Variants in SEH1L observed in about 807,000 individuals in gnomAD.
The protein encoded by SEH1L is SEH1 like nucleoporin.
A neutral mutation model predicts 49.5 loss-of-function variants in SEH1L; 18 were observed. The ratio of observed to expected loss-of-function variants is 0.36; its 90% CI spans 0.25 to 0.54. The LOEUF is 0.54. Among genes scored for constraint, SEH1L ranks in the 20% least tolerant of loss-of-function variants. The probability of loss-of-function intolerance (pLI) is 0.87; values close to 1 mark genes in which losing one functional copy is unlikely to be tolerated. For missense variants in SEH1L, 404 were observed against 528.8 expected (o/e 0.76, Z 2.31); for synonymous variants, 169 against 178.1 (o/e 0.95, Z 0.41).
At chr18:12,958,585 G>A (rs958602253) in intron 3 of SEH1L, among the ~76,000 whole-genome samples, 1 of 152,076 alleles carries the variant, frequency 6.6e-6, no homozygotes, top group Non-Finnish European at 1.5e-5. Context: ...GGTACTGCAT[G>A]TAAGTGGAAT....
chr18:12,952,884 C>T lies in SEH1L; in HGVS notation c.162+979C>T, dbSNP rs182043115. Among the ~76,000 whole-genome samples, 357 of 150,882 alleles carry T rather than the reference C, an allele frequency of 2.4e-3. 1 individual carries two copies. The highest frequency in any genetic ancestry group is 4.3e-3 in the Non-Finnish European group (289 of 67,730). On this transcript the variant is annotated intron_variant, in intron 2 of 8. Transcript: ENST00000399892. The stretch of plus-strand genomic sequence containing the variant: ...GCAACCTCTGCCTCCTGGGTTCAAG[C>T]GATTCTCCTGCCTCAGCCTCCTGAG...
rs1598933263 is a variant in SEH1L, at chr18:12,948,067, C to T, written c.-55C>T. The stretch of plus-strand genomic sequence containing the variant: ...TCTGGCTAGGCTACGGGCCACGCGC[C>T]GCCGCCGCTGCCGCCGCCACTGTCC... On this transcript the variant is annotated 5_prime_UTR_variant, in exon 1 of 9. Transcript: ENST00000399892. 2.8e-6 allele frequency: 4 copies of T among 1,417,640 alleles called. No homozygotes were observed. Among genetic ancestry groups the T allele is most frequent in the Admixed American group, 1.8e-5 (1 of 55,414 alleles). The allele number at this position is 1,417,640 out of a possible 1,614,324, so 87.8% of individuals were successfully genotyped here.
intron 7 of SEH1L, 82 bp from the exon 8 acceptor site, chr18:12,983,958 T>C: frequency 1.0e-6 from 1 of 993,488 alleles, no homozygotes; most frequent in Non-Finnish European, 1.5e-6. Context: ...TCTTTAATTG[T>C]AGTTTAAGGA....
At chr18:12,953,349 T>C (rs553000534) in intron 2 of SEH1L, among the ~76,000 whole-genome samples, 27 of 152,358 alleles carry the variant, frequency 1.8e-4, no homozygotes, top group African/African-American at 6.3e-4. Flanking sequence ...ACATATATTT[T>C]CATTTCTTTT....
chr18:12,962,485 T>A (rs1206051772), intron 3 of SEH1L, among the ~76,000 whole-genome samples: 10 of 140,272 alleles, frequency 7.1e-5, no homozygotes, highest in Non-Finnish European at 1.2e-4. Context: ...TTTTTTTTTT[T>A]GAGAGAGGGT....
chr18:12,948,496 C>T, intron 1 of SEH1L: 2 of 301,272 alleles, frequency 6.6e-6, no homozygotes, highest in Non-Finnish European at 1.2e-5. Flanking sequence ...GGGCCCTCTC[C>T]CAGGCCGCGC....
intron 2 of SEH1L, among the ~76,000 whole-genome samples, chr18:12,954,762 C>T (rs1265373431): frequency 6.6e-6 from 1 of 152,070 alleles, no homozygotes; most frequent in Non-Finnish European, 1.5e-5. Context: ...GCCACTATGC[C>T]TGGTTGAATC....
At chr18:12,980,268 T>A (rs868677112) in intron 6 of SEH1L, among the ~76,000 whole-genome samples, 4,288 of 42,266 alleles carry the variant, frequency 0.1, no homozygotes, top group Middle Eastern at 0.15. Flanking sequence ...TCCCTCCCGG[T>A]CGGGGCGGCT....
chr18:12,948,135 G>T lies in SEH1L; in HGVS notation c.14G>T (p.Arg5Leu), dbSNP rs201848221. Residue 5 changes from arginine to leucine, a missense_variant, in exon 1 of 9, where the codon CGC becomes CTC. By Grantham distance (102) the Arg-to-Leu change is moderately radical (BLOSUM62 -2). Around this residue, in one of 3 missense-constraint regions of SEH1L, gnomAD observed 57 missense variants for 71.9 expected, o/e 0.79. Transcript: ENST00000399892. ...CCGACGGAAACCATGTTTGTGGCTCGCAGCATCGCGGCGGACCACAAGGAT... is the reference window on the plus strand; with the variant it reads ...CCGACGGAAACCATGTTTGTGGCTCTCAGCATCGCGGCGGACCACAAGGAT... MFVA[R>L]SIAADHKDLI... The T allele has an allele frequency of 1.3e-6, 2 of 1,575,342 alleles. No homozygotes were observed. Among genetic ancestry groups the T allele is most frequent in the Non-Finnish European group, 1.7e-6 (2 of 1,166,320 alleles).
intron 4 of SEH1L, among the ~76,000 whole-genome samples, chr18:12,968,226 A>G (rs1409881339): frequency 6.6e-6 from 1 of 152,146 alleles, no homozygotes; most frequent in Non-Finnish European, 1.5e-5. Flanking sequence ...TACTCTCTCA[A>G]CTAGGGAGGC....
At chr18:12,953,075 C>G (rs142273378) in intron 2 of SEH1L, among the ~76,000 whole-genome samples, 9 of 152,310 alleles carry the variant, frequency 5.9e-5, no homozygotes, top group African/African-American at 1.9e-4. Context: ...AGCCACCATG[C>G]CTGGCCTGGT....
intron 4 of SEH1L, among the ~76,000 whole-genome samples, chr18:12,968,101 G>C (rs575264546): frequency 6.6e-6 from 1 of 152,150 alleles, no homozygotes; most frequent in South Asian, 2.1e-4. Context: ...TGTTTTTCTT[G>C]GGTGTCTGCT....
chr18:12,960,280 G>A (rs751806279), intron 3 of SEH1L, among the ~76,000 whole-genome samples: 10 of 152,194 alleles, frequency 6.6e-5, no homozygotes, highest in Non-Finnish European at 1.3e-4. Flanking sequence ...GTTAACATGC[G>A]CAAGCAAGCA....
chr18:12,950,891 C>T (rs1376864103), intron 1 of SEH1L, among the ~76,000 whole-genome samples: 1 of 152,004 alleles, frequency 6.6e-6, no homozygotes, highest in Non-Finnish European at 1.5e-5. Flanking sequence ...TATTCACGGG[C>T]GTGATCATAG....
intron 3 of SEH1L, among the ~76,000 whole-genome samples, chr18:12,961,245 C>T (rs2031161844): frequency 6.6e-6 from 1 of 152,168 alleles, no homozygotes; most frequent in African/African-American, 2.4e-5. Context: ...CACCATTTTT[C>T]CTCTTAGTGC....
chr18:12,978,656 AT>A, intron 5 of SEH1L, 95 bp from the exon 6 acceptor site: 1 of 1,002,078 alleles, frequency 1.0e-6, no homozygotes, highest in Non-Finnish European at 1.5e-6. Flanking sequence ...GCACTACATG[AT>A]TGTGAGCAGT....
rs778279224 is a variant in SEH1L at position 12,984,102 on chromosome 18, G to A, written c.982G>A (p.Gly328Arg). The change falls in exon 8 of 9, where the codon GGG becomes AGG. Residue 328 changes from glycine to arginine, a missense_variant. Around this residue, in one of 3 missense-constraint regions of SEH1L, gnomAD observed 342 missense variants for 430.8 expected, o/e 0.79. Transcript: ENST00000399892. The stretch of plus-strand genomic sequence containing the variant: ...GAAAGGTAATGGGAGCCCAGTCAAT[G>A]GGAGTTCTCAGCAGGGAACCTCAAA... ...ILKGNGSPVNGSSQQGTSNPS... is the reference protein window; with the variant it reads ...ILKGNGSPVNRSSQQGTSNPS... 1.2e-6 allele frequency: 2 copies of A among 1,613,690 alleles called. No homozygotes were observed. Among genetic ancestry groups the A allele is most frequent in the East Asian group, 4.5e-5 (2 of 44,866 alleles).
chr18:12,978,278 C>G (rs2032007931), intron 5 of SEH1L: 1 of 152,866 alleles, frequency 6.5e-6, no homozygotes. Flanking sequence ...TGTATTCACT[C>G]ACAGTTCTGG....
intron 6 of SEH1L, among the ~76,000 whole-genome samples, chr18:12,979,909 G>T: frequency 7.3e-6 from 1 of 137,138 alleles, no homozygotes; most frequent in African/African-American, 2.8e-5. Context: ...CGGGGCGGCT[G>T]GCCGGGCAGA....
Sources: gnomAD v4.1 joint callset for allele counts (sites outside exome capture counted in the v4.1 genomes callset) on GRCh38, gnomAD v4.1.1 for gene constraint, gnomAD v4.1.1 regional missense constraint, MANE v1.5 for transcripts, NCBI Gene and HGNC (gene_info 2026-07-23, HGNC 2026-07-21) for gene names.